Variants in SCHIP1 observed in about 807,000 individuals in gnomAD.
The protein encoded by SCHIP1 is schwannomin interacting protein 1.
SCHIP1 carries 8 observed loss-of-function variants against 29.7 expected under a neutral mutation model. The observed-to-expected ratio is 0.27, with a 90% CI of 0.16 to 0.49. The LOEUF (loss-of-function observed/expected upper bound fraction) is 0.49. Among genes scored for constraint, SCHIP1 ranks in the 20% least tolerant of loss-of-function variants. The pLI, the probability that SCHIP1 is intolerant of heterozygous loss-of-function variation, is 0.99. For synonymous variants in SCHIP1, 76 were observed against 94.9 expected (o/e 0.80, Z 1.16); for missense variants, 193 against 294.6 (o/e 0.66, Z 2.52).
the SCHIP1 span, among the ~76,000 whole-genome samples, chr3:159,727,371 A>G: frequency 2.0e-5 from 3 of 152,152 alleles, no homozygotes; most frequent in Non-Finnish European, 4.4e-5. Context: ...AAGTTCCATG[A>G]GTATTATGAT....
chr3:159,551,992 A>C, the SCHIP1 span, among the ~76,000 whole-genome samples: 4 of 150,714 alleles, frequency 2.7e-5, no homozygotes, highest in East Asian at 7.8e-4. Context: ...GTGGTATGGT[A>C]ATTTCATGTG....
At chr3:159,301,057 AATAGCACATATTG>A in the SCHIP1 span, among the ~76,000 whole-genome samples, 1 of 152,244 alleles carries the variant, frequency 6.6e-6, no homozygotes, top group East Asian at 1.9e-4. Context: ...TAATAAAATT[AATAGCACATATTG>A]ATAGTACATA....
chr3:159,397,632 T>TGGGGGTC, the SCHIP1 span, among the ~76,000 whole-genome samples: 1 of 152,136 alleles, frequency 6.6e-6, no homozygotes, highest in East Asian at 1.9e-4. Flanking sequence ...TTAGGCTGCT[T>TGGGGGTC]GGGGGTCAGG....
chr3:159,702,270 T>C, the SCHIP1 span, among the ~76,000 whole-genome samples: 1 of 152,160 alleles, frequency 6.6e-6, no homozygotes, highest in Non-Finnish European at 1.5e-5. Context: ...AGGCACTAAA[T>C]GAGATGGAGA....
the SCHIP1 span, among the ~76,000 whole-genome samples, chr3:159,675,510 C>T: frequency 6.6e-6 from 1 of 152,186 alleles, no homozygotes; most frequent in African/African-American, 2.4e-5. Flanking sequence ...ACACAATGTG[C>T]ATCACTATGA....
At chr3:159,856,973 G>T (rs1713453094) in intron 1 of SCHIP1, among the ~76,000 whole-genome samples, 1 of 152,162 alleles carries the variant, frequency 6.6e-6, no homozygotes, top group Non-Finnish European at 1.5e-5. Flanking sequence ...ACGTCTTCCT[G>T]CCTGTGAGGG....
At chr3:159,494,015 A>T in the SCHIP1 span, among the ~76,000 whole-genome samples, 1 of 152,106 alleles carries the variant, frequency 6.6e-6, no homozygotes, top group Non-Finnish European at 1.5e-5. Context: ...GGGTACATAA[A>T]AAAATGAAGG....
upstream of SCHIP1, among the ~76,000 whole-genome samples, chr3:159,836,637 C>T (rs1298568324): frequency 1.3e-5 from 2 of 152,036 alleles, no homozygotes; most frequent in Non-Finnish European, 1.5e-5. Context: ...TGAACAATAA[C>T]AGTGTCAGGC....
chr3:159,750,261 G>GTATATATATA, the SCHIP1 span, among the ~76,000 whole-genome samples: 57 of 11,734 alleles, frequency 4.9e-3, no homozygotes, highest in African/African-American at 8.6e-3. Context: ...GTATGTGTGT[G>GTATATATATA]TGTATATATA....
intron 5 of SCHIP1, 87 bp from the exon 7 acceptor site, chr3:159,892,010 T>G: frequency 1.4e-6 from 2 of 1,407,546 alleles, no homozygotes; most frequent in Non-Finnish European, 9.6e-7. Flanking sequence ...TGGGTAGCTG[T>G]TTGTGTGTAT....
the SCHIP1 span, among the ~76,000 whole-genome samples, chr3:159,469,052 C>T: frequency 6.6e-6 from 1 of 151,978 alleles, no homozygotes; most frequent in South Asian, 2.1e-4. Context: ...AGGCATCAGC[C>T]ACTGTGCCTG....
the SCHIP1 span, among the ~76,000 whole-genome samples, chr3:159,603,001 A>G: frequency 6.6e-6 from 1 of 152,296 alleles, no homozygotes; most frequent in Admixed American, 6.5e-5. Context: ...CCCACTTTCA[A>G]TGCCAATTAT....
chr3:159,691,041 T>G, the SCHIP1 span, among the ~76,000 whole-genome samples: 1 of 152,208 alleles, frequency 6.6e-6, no homozygotes, highest in African/African-American at 2.4e-5. Flanking sequence ...ATAAGTGATA[T>G]GTGGTGCTGA....
the SCHIP1 span, among the ~76,000 whole-genome samples, chr3:159,832,918 G>A: frequency 8.4e-4 from 128 of 152,180 alleles, 1 homozygote; most frequent in African/African-American, 2.9e-3. Context: ...ACAGTATATT[G>A]TTATAATTGT....
the SCHIP1 span, among the ~76,000 whole-genome samples, chr3:159,404,662 C>T: frequency 1.3e-5 from 2 of 152,134 alleles, no homozygotes; most frequent in African/African-American, 4.8e-5. Flanking sequence ...GACTTCAGGC[C>T]CTAGCTCCCA....
At chr3:159,564,458 C>A in the SCHIP1 span, among the ~76,000 whole-genome samples, 1 of 152,020 alleles carries the variant, frequency 6.6e-6, no homozygotes, top group South Asian at 2.1e-4. Flanking sequence ...CTCACTGCAA[C>A]CTCTGCCTCC....
the SCHIP1 span, among the ~76,000 whole-genome samples, chr3:159,520,492 C>T: frequency 6.6e-6 from 1 of 152,178 alleles, no homozygotes; most frequent in African/African-American, 2.4e-5. Context: ...GCATTACACG[C>T]GCAGATATGA....
the SCHIP1 span, among the ~76,000 whole-genome samples, chr3:159,561,789 A>G: frequency 6.6e-6 from 1 of 152,176 alleles, no homozygotes; most frequent in South Asian, 2.1e-4. Context: ...AGGGGATCCC[A>G]GCAACTGTTC....
the SCHIP1 span, among the ~76,000 whole-genome samples, chr3:159,545,586 GTC>G: frequency 2.1e-5 from 3 of 140,750 alleles, no homozygotes; most frequent in Non-Finnish European, 4.6e-5. Flanking sequence ...ATATATATAT[GTC>G]TGTGTGTGTG....
Sources: allele counts gnomAD v4.1 joint callset (sites outside exome capture counted in the v4.1 genomes callset), GRCh38; gene constraint gnomAD v4.1.1; transcripts MANE v1.5; gene names NCBI Gene and HGNC (gene_info 2026-07-23, HGNC 2026-07-21).